Variants in MDGA2 observed in about 807,000 individuals in gnomAD.
The protein encoded by MDGA2 is MAM domain containing glycosylphosphatidylinositol anchor 2.
MDGA2 carries 40 observed loss-of-function variants against 117.8 expected under a neutral mutation model. That is an observed-to-expected ratio of 0.34 (90% CI 0.26 to 0.44). MDGA2 has a LOEUF of 0.44. Among genes scored for constraint, MDGA2 ranks in the 20% least tolerant of loss-of-function variants. The probability of loss-of-function intolerance (pLI) is 1.00; values close to 1 mark genes in which losing one functional copy is unlikely to be tolerated. For missense variants in MDGA2, 1,123 were observed against 1,250.6 expected (o/e 0.90, Z 1.54); for synonymous variants, 452 against 439.0 (o/e 1.03, Z -0.37).
intron 9 of MDGA2, among the ~76,000 whole-genome samples, chr14:46,954,008 G>A (rs1202592959): frequency 6.6e-6 from 1 of 151,974 alleles, no homozygotes; most frequent in Non-Finnish European, 1.5e-5. Flanking sequence ...TCTTTTCTCT[G>A]CTATATTGTG....
intron 2 of MDGA2, among the ~76,000 whole-genome samples, chr14:47,283,440 G>A (rs977747696): frequency 1.3e-5 from 2 of 152,178 alleles, no homozygotes; most frequent in Non-Finnish European, 2.9e-5. Context: ...CACTTTGTGT[G>A]TGTTTTGCAT....
chr14:47,536,807 G>A (rs1566503898), intron 1 of MDGA2, among the ~76,000 whole-genome samples: 1 of 152,200 alleles, frequency 6.6e-6, no homozygotes, highest in Non-Finnish European at 1.5e-5. Flanking sequence ...AGGCTGCACT[G>A]TTTCTAAACA....
intron 1 of MDGA2, among the ~76,000 whole-genome samples, chr14:47,582,823 T>C (rs576375641): frequency 3.8e-4 from 58 of 151,978 alleles, no homozygotes; most frequent in African/African-American, 1.3e-3. Context: ...TCTTTGATGA[T>C]ATAGAATTAT....
At chr14:47,297,120 G>A (rs896913248) in intron 2 of MDGA2, among the ~76,000 whole-genome samples, 4 of 152,064 alleles carry the variant, frequency 2.6e-5, no homozygotes, top group Non-Finnish European at 5.9e-5. Flanking sequence ...TGGACACATG[G>A]CCAAGTGAAA....
intron 1 of MDGA2, among the ~76,000 whole-genome samples, chr14:47,521,560 G>T (rs544685477): frequency 6.6e-6 from 1 of 152,182 alleles, no homozygotes; most frequent in Non-Finnish European, 1.5e-5. Flanking sequence ...GGTAGTAATG[G>T]TAGGAGCTCA....
At chr14:47,515,881 A>G (rs926232490) in intron 1 of MDGA2, among the ~76,000 whole-genome samples, 1 of 152,144 alleles carries the variant, frequency 6.6e-6, no homozygotes, top group Non-Finnish European at 1.5e-5. Context: ...AATAGTACAG[A>G]ACCAATATCT....
chr14:47,630,943 G>A (rs955409958), intron 1 of MDGA2, among the ~76,000 whole-genome samples: 4 of 152,264 alleles, frequency 2.6e-5, no homozygotes, highest in African/African-American at 9.6e-5. Flanking sequence ...GTGAGGTTAA[G>A]CCCTGTTATC....
chr14:47,275,787 G>A (rs78813331), intron 2 of MDGA2, among the ~76,000 whole-genome samples: 4,723 of 152,092 alleles, frequency 0.031, 168 homozygotes, highest in East Asian at 0.18. Context: ...GCAGAGAAGC[G>A]CCCGATCATC....
chr14:47,335,898 A>G (rs1375168968), intron 1 of MDGA2, among the ~76,000 whole-genome samples: 1 of 151,048 alleles, frequency 6.6e-6, no homozygotes, highest in Non-Finnish European at 1.5e-5. Flanking sequence ...TAGGAGAGAA[A>G]TGGGCAGGAG....
chr14:46,992,893 C>T (rs1444835391), intron 8 of MDGA2, among the ~76,000 whole-genome samples: 1 of 152,090 alleles, frequency 6.6e-6, no homozygotes, highest in Non-Finnish European at 1.5e-5. Context: ...CAATATGCCT[C>T]GACTAAACCT....
At chr14:46,982,803 TCTC>T in intron 8 of MDGA2, among the ~76,000 whole-genome samples, 1 of 151,384 alleles carries the variant, frequency 6.6e-6, no homozygotes, top group South Asian at 2.1e-4. Flanking sequence ...TTTATTTCCT[TCTC>T]CTGCCTGATT....
intron 1 of MDGA2, among the ~76,000 whole-genome samples, chr14:47,490,784 T>C (rs1483591736): frequency 6.6e-6 from 1 of 152,120 alleles, no homozygotes; most frequent in Non-Finnish European, 1.5e-5. Flanking sequence ...GTCATCTAGT[T>C]ACAGGGAACT....
intron 1 of MDGA2, among the ~76,000 whole-genome samples, chr14:47,429,150 A>C (rs1215789758): frequency 6.6e-6 from 1 of 151,768 alleles, no homozygotes; most frequent in Non-Finnish European, 1.5e-5. Context: ...ACTTGAACCT[A>C]GGGGGCAGAG....
chr14:47,042,858 A>G (rs1225872643), intron 7 of MDGA2, among the ~76,000 whole-genome samples: 1 of 151,728 alleles, frequency 6.6e-6, no homozygotes, highest in East Asian at 1.9e-4. Context: ...GTATTTTAAA[A>G]CCTCCATACA....
intron 1 of MDGA2, among the ~76,000 whole-genome samples, chr14:47,450,398 C>G (rs1481407449): frequency 1.3e-5 from 2 of 151,956 alleles, no homozygotes; most frequent in Non-Finnish European, 2.9e-5. Flanking sequence ...TCATCTATTT[C>G]CAGCCTCAAA....
intron 8 of MDGA2, among the ~76,000 whole-genome samples, chr14:47,013,349 C>T (rs1887961674): frequency 6.6e-6 from 1 of 152,130 alleles, no homozygotes; most frequent in African/African-American, 2.4e-5. Context: ...CCACAAGAAG[C>T]AACTCTTCAT....
At chr14:46,903,077 T>G (rs1289948172) in intron 10 of MDGA2, among the ~76,000 whole-genome samples, 1 of 152,216 alleles carries the variant, frequency 6.6e-6, no homozygotes, top group Non-Finnish European at 1.5e-5. Flanking sequence ...TGGCCTGTTA[T>G]TCAATCTGTG....
chr14:46,950,101 A>G (rs1248139995), intron 9 of MDGA2, among the ~76,000 whole-genome samples: 1 of 152,010 alleles, frequency 6.6e-6, no homozygotes, highest in Non-Finnish European at 1.5e-5. Flanking sequence ...TGTTTACTGG[A>G]GAAAAATAAC....
At chr14:46,941,949 C>T (rs903684471) in intron 9 of MDGA2, among the ~76,000 whole-genome samples, 1 of 152,136 alleles carries the variant, frequency 6.6e-6, no homozygotes, top group African/African-American at 2.4e-5. Context: ...TCTGTCTTTC[C>T]ATTATTTTAC....
Sources: allele counts gnomAD v4.1 joint callset (sites outside exome capture counted in the v4.1 genomes callset), GRCh38; gene constraint gnomAD v4.1.1; transcripts MANE v1.5; gene names NCBI Gene and HGNC (gene_info 2026-07-23, HGNC 2026-07-21).